Variants in C7orf78 observed in about 807,000 individuals in gnomAD.
C7orf78 encodes the protein chromosome 7 open reading frame 78, also known as putative uncharacterized protein C7orf78.
chr7:12,500,738 G>T, the C7orf78 span, among the ~76,000 whole-genome samples: 13 of 151,806 alleles, frequency 8.6e-5, no homozygotes, highest in African/African-American at 3.2e-4. Context: ...TATGAGGCCA[G>T]CATCATTCTG....
chr7:12,519,968 T>G, the C7orf78 span, among the ~76,000 whole-genome samples: 266 of 152,322 alleles, frequency 1.7e-3, 1 homozygote, highest in African/African-American at 6.0e-3. Flanking sequence ...GCATTTTCTA[T>G]CTGGTACAAT....
At chr7:12,541,815 A>C in the C7orf78 span, 1 of 152,150 alleles carries the variant, frequency 6.6e-6, no homozygotes, top group Non-Finnish European at 1.5e-5. Context: ...AGTTTTTTCT[A>C]ATACACTTTA....
At chr7:12,523,135 T>C in the C7orf78 span, 1 of 398,404 alleles carries the variant, frequency 2.5e-6, no homozygotes, top group Non-Finnish European at 4.4e-6. Flanking sequence ...TGAAAGTTAA[T>C]GTATGGGAAA....
At chr7:12,487,479 T>C in the C7orf78 span, among the ~76,000 whole-genome samples, 3 of 152,122 alleles carry the variant, frequency 2.0e-5, no homozygotes, top group Non-Finnish European at 4.4e-5. Context: ...AACCAATGTG[T>C]GACCAGGGTG....
the C7orf78 span, among the ~76,000 whole-genome samples, chr7:12,500,476 C>A: frequency 2.0e-5 from 3 of 150,126 alleles, no homozygotes; most frequent in Admixed American, 1.3e-4. Context: ...ACTAGAAAAT[C>A]TAGAAGAAAT....
the C7orf78 span, chr7:12,506,776 A>G: frequency 3.0e-6 from 1 of 338,298 alleles, no homozygotes; most frequent in Non-Finnish European, 5.7e-6. Flanking sequence ...TGTACCCTAG[A>G]ACTTAAAGTA....
the C7orf78 span, among the ~76,000 whole-genome samples, chr7:12,512,982 A>G: frequency 1.3e-5 from 2 of 151,840 alleles, no homozygotes; most frequent in African/African-American, 4.8e-5. Context: ...ATAGTCTCTG[A>G]TGATCGTTTA....
the C7orf78 span, among the ~76,000 whole-genome samples, chr7:12,524,472 C>A: frequency 6.6e-6 from 1 of 151,948 alleles, no homozygotes; most frequent in Non-Finnish European, 1.5e-5. Flanking sequence ...GTAAATATTT[C>A]CATTCATAGT....
At chr7:12,519,982 C>T in the C7orf78 span, among the ~76,000 whole-genome samples, 1 of 152,192 alleles carries the variant, frequency 6.6e-6, no homozygotes, top group African/African-American at 2.4e-5. Context: ...GTACAATGCC[C>T]TCATTGGGTC....
chr7:12,528,264 T>C, the C7orf78 span, among the ~76,000 whole-genome samples: 1 of 151,536 alleles, frequency 6.6e-6, no homozygotes, highest in African/African-American at 2.4e-5. Flanking sequence ...AGCTGTGTAA[T>C]TGAAATGGAA....
chr7:12,514,674 C>G, the C7orf78 span, among the ~76,000 whole-genome samples: 3 of 151,758 alleles, frequency 2.0e-5, no homozygotes, highest in Non-Finnish European at 2.9e-5. Flanking sequence ...TGTTGTGGTA[C>G]TATTTGACTC....
chr7:12,510,398 T>A, the C7orf78 span, among the ~76,000 whole-genome samples: 1 of 152,174 alleles, frequency 6.6e-6, no homozygotes, highest in African/African-American at 2.4e-5. Context: ...TTGCCCAGGA[T>A]TGTCTCAAAC....
chr7:12,541,552 A>G, the C7orf78 span: 2 of 152,156 alleles, frequency 1.3e-5, no homozygotes, highest in Middle Eastern at 3.2e-3. Context: ...AGTTTAATTC[A>G]TGACACAGTG....
At chr7:12,526,309 C>G in the C7orf78 span, among the ~76,000 whole-genome samples, 1 of 152,050 alleles carries the variant, frequency 6.6e-6, no homozygotes. Flanking sequence ...AGCATTAAAT[C>G]TGCTAAAAGC....
chr7:12,532,735 A>G, the C7orf78 span, among the ~76,000 whole-genome samples: 5 of 152,116 alleles, frequency 3.3e-5, no homozygotes, highest in African/African-American at 1.2e-4. Context: ...ATTCAAAACT[A>G]TGCTTTTTTT....
chr7:12,487,963 A>G, the C7orf78 span, among the ~76,000 whole-genome samples: 152,141 of 152,142 alleles, frequency 1, 76,070 homozygotes, highest in Middle Eastern at 1. Context: ...ACTAATTTAT[A>G]AACATTATCC....
the C7orf78 span, among the ~76,000 whole-genome samples, chr7:12,533,231 C>T: frequency 9.9e-5 from 15 of 152,232 alleles, no homozygotes; most frequent in East Asian, 3.9e-4. Context: ...GATGCAGACT[C>T]GCTCTGTCAC....
At chr7:12,531,938 C>G in the C7orf78 span, among the ~76,000 whole-genome samples, 1 of 152,118 alleles carries the variant, frequency 6.6e-6, no homozygotes, top group African/African-American at 2.4e-5. Context: ...GAGGCGGTGT[C>G]TGATTTACAT....
the C7orf78 span, chr7:12,506,883 C>T: frequency 6.4e-6 from 3 of 471,374 alleles, no homozygotes; most frequent in South Asian, 4.6e-5. Context: ...TGTTGTATAA[C>T]AAGTTTAAGA....
Sources: gnomAD v4.1 joint callset for allele counts (sites outside exome capture counted in the v4.1 genomes callset) on GRCh38, gnomAD v4.1.1 for gene constraint, MANE v1.5 for transcripts, NCBI Gene and HGNC (gene_info 2026-07-23, HGNC 2026-07-21) for gene names.